The following NMNAT3 variants were observed in gnomAD, a reference collection of about 807,000 sequenced individuals.
The protein encoded by NMNAT3 is nicotinamide/nicotinic acid mononucleotide adenylyltransferase 3.
Under a neutral mutation model 24.8 loss-of-function variants are expected in NMNAT3, and 21 were observed. The ratio of observed to expected loss-of-function variants is 0.85; its 90% CI spans 0.60 to 1.22. The LOEUF is 1.22. Ranked by LOEUF, NMNAT3 falls within the 50% of genes most tolerant of loss-of-function variation. NMNAT3 has a pLI of 0.00. For missense variants in NMNAT3, 387 were observed against 436.6 expected (o/e 0.89, Z 1.01); for synonymous variants, 136 against 155.2 (o/e 0.88, Z 0.92).
intron 2 of NMNAT3, 130 bp downstream of exon 2, chr3:139,637,833 A>C (rs1411626876): frequency 6.6e-6 from 1 of 152,234 alleles, no homozygotes; most frequent in Non-Finnish European, 1.5e-5. Context: ...ATAGTTGTCT[A>C]TATATAAATA....
intron 3 of NMNAT3, among the ~76,000 whole-genome samples, chr3:139,618,773 TGGTTC>T (rs951522238): frequency 2.0e-5 from 3 of 152,170 alleles, no homozygotes; most frequent in African/African-American, 7.2e-5. Context: ...GGAAAGAAGA[TGGTTC>T]GGGTTATGGC....
chr3:139,636,934 CA>C (rs2056524689), intron 2 of NMNAT3: 1 of 152,332 alleles, frequency 6.6e-6, no homozygotes, highest in African/African-American at 2.4e-5. Context: ...CCAAAGTCCA[CA>C]GACTAAATCT....
intron 1 of NMNAT3, among the ~76,000 whole-genome samples, chr3:139,660,287 ATTGAG>A (rs2057373908): frequency 6.6e-6 from 1 of 152,146 alleles, no homozygotes; most frequent in Admixed American, 6.5e-5. Context: ...CCCTCAGAAA[ATTGAG>A]TGTTCACTAC....
chr3:139,620,990 T>C (rs1313686404), intron 3 of NMNAT3, among the ~76,000 whole-genome samples: 10 of 152,180 alleles, frequency 6.6e-5, no homozygotes. Context: ...AGAGATAGGA[T>C]CTTGCTATGT....
chr3:139,561,088 G>T lies in NMNAT3; in HGVS notation c.963C>A (p.Ile321=). 6.2e-7 allele frequency: 1 copy of T among 1,614,006 alleles called. No homozygotes were observed. The highest frequency in any genetic ancestry group is 1.3e-5 in the African/African-American group (1 of 74,970). The change falls in exon 7 of 7, where the codon ATC becomes ATA. Residue 321 remains isoleucine (I), a synonymous_variant. Transcript: ENST00000643695. ...CCTTGGTGTAGAGGCCATGGTCCTT[G>T]ATGTACGTGATGACAGCATCGGGAA...
At chr3:139,587,882 T>C (rs2054004995) in intron 3 of NMNAT3, among the ~76,000 whole-genome samples, 1 of 152,154 alleles carries the variant, frequency 6.6e-6, no homozygotes, top group Non-Finnish European at 1.5e-5. Flanking sequence ...AATTTCTGTT[T>C]TATAGAAGAA....
At chr3:139,590,691 C>T (rs946259763) in intron 3 of NMNAT3, among the ~76,000 whole-genome samples, 4 of 151,890 alleles carry the variant, frequency 2.6e-5, no homozygotes, top group African/African-American at 9.7e-5. Context: ...AAAATTAATG[C>T]GTGCTGTAGA....
chr3:139,591,647 G>A (rs2054186774), intron 3 of NMNAT3, among the ~76,000 whole-genome samples: 1 of 151,644 alleles, frequency 6.6e-6, no homozygotes, highest in Non-Finnish European at 1.5e-5. Context: ...GCCTCCTTAA[G>A]TGGGTCCCTG....
intron 3 of NMNAT3, among the ~76,000 whole-genome samples, chr3:139,588,243 C>T (rs2054020391): frequency 6.6e-6 from 1 of 152,122 alleles, no homozygotes. Context: ...AATGATTCAT[C>T]TGCCTGTGCC....
At chr3:139,576,136 C>T (rs114394438) in intron 5 of NMNAT3, 23 of 1,188,582 alleles carry the variant, frequency 1.9e-5, no homozygotes, top group African/African-American at 1.1e-4. Context: ...AGATTCACTA[C>T]GGACTTTATC....
rs768482197 is a variant in NMNAT3 at position 139,561,224 on chromosome 3, A to C, written c.827T>G (p.Leu276Arg). 1 of 1,614,198 alleles carries C rather than the reference A, an allele frequency of 6.2e-7. No individual in the cohort carries two copies. Among genetic ancestry groups the C allele is most frequent in the East Asian group, 2.2e-5 (1 of 44,884 alleles). ...GTGAATGTTGTGCTGGTGCATCCGT[A>C]GGATGGGAGATTCTGCGATGTAACC... Residue 276 changes from leucine to arginine, a missense_variant, in exon 7 of 7, where the codon CTA (leucine) becomes CGA (arginine). Physicochemically the swap from Leu to Arg is moderately radical, Grantham distance 102 (BLOSUM62 -2). Transcript: ENST00000643695.
intron 4 of NMNAT3, among the ~76,000 whole-genome samples, chr3:139,581,168 A>G (rs1940119359): frequency 6.6e-6 from 1 of 152,162 alleles, no homozygotes; most frequent in African/African-American, 2.4e-5. Context: ...CAAAAACAGG[A>G]CTACTCTAGA....
At chr3:139,662,067 TC>T (rs979811453) in intron 1 of NMNAT3, among the ~76,000 whole-genome samples, 15 of 152,244 alleles carry the variant, frequency 9.9e-5, no homozygotes, top group Admixed American at 7.8e-4. Flanking sequence ...GCTCCATCAT[TC>T]CCACAAGTGC....
At chr3:139,587,232 A>G (rs2053974311) in intron 3 of NMNAT3, among the ~76,000 whole-genome samples, 1 of 152,184 alleles carries the variant, frequency 6.6e-6, no homozygotes, top group Non-Finnish European at 1.5e-5. Flanking sequence ...CTTGAGAGGA[A>G]TAGTGAAGGA....
At chr3:139,575,211 T>A (rs1420847394) in intron 5 of NMNAT3, among the ~76,000 whole-genome samples, 1 of 152,212 alleles carries the variant, frequency 6.6e-6, no homozygotes, top group Non-Finnish European at 1.5e-5. Context: ...AATGAATACA[T>A]TTAACCTGGT....
At chr3:139,641,966 G>A (rs1218370814) in intron 1 of NMNAT3, among the ~76,000 whole-genome samples, 1 of 152,190 alleles carries the variant, frequency 6.6e-6, no homozygotes, top group Non-Finnish European at 1.5e-5. Context: ...ATGGGCATGT[G>A]ATCTAGTTCT....
At chr3:139,647,849 C>G (rs184756945) in intron 1 of NMNAT3, among the ~76,000 whole-genome samples, 89 of 151,538 alleles carry the variant, frequency 5.9e-4, no homozygotes, top group Non-Finnish European at 9.6e-4. Flanking sequence ...TTTAAACTAC[C>G]AAGTTTATGG....
At chr3:139,630,381 G>A (rs548624460) in intron 2 of NMNAT3, among the ~76,000 whole-genome samples, 6 of 152,346 alleles carry the variant, frequency 3.9e-5, no homozygotes, top group East Asian at 1.9e-4. Flanking sequence ...GGATACAAGT[G>A]TCTGGGACTT....
At chr3:139,652,905 C>T (rs1216396807) in intron 1 of NMNAT3, among the ~76,000 whole-genome samples, 1 of 151,910 alleles carries the variant, frequency 6.6e-6, no homozygotes, top group Non-Finnish European at 1.5e-5. Flanking sequence ...GCAAAAGTGA[C>T]CAGAGAAAAG....
Sources: allele counts gnomAD v4.1 joint callset (sites outside exome capture counted in the v4.1 genomes callset), GRCh38; gene constraint gnomAD v4.1.1; transcripts MANE v1.5; gene names NCBI Gene and HGNC (gene_info 2026-07-23, HGNC 2026-07-21).